KAZN: variants seen among roughly 807,000 people sequenced by gnomAD.
The protein encoded by KAZN is kazrin, periplakin interacting protein, also known as kazrin.
A neutral mutation model predicts 87.4 loss-of-function variants in KAZN; 40 were observed. The observed-to-expected ratio is 0.46, with a 90% confidence interval of 0.36 to 0.60. The LOEUF (loss-of-function observed/expected upper bound fraction) is 0.60. KAZN is among the 20% of genes least tolerant of loss of function. The probability of loss-of-function intolerance (pLI) is 0.00; values close to 1 mark genes in which losing one functional copy is unlikely to be tolerated. For synonymous variants in KAZN, 466 were observed against 458.3 expected, an observed-to-expected ratio of 1.02 and a Z score of -0.22; for missense variants, 898 against 1,073.9, an observed-to-expected ratio of 0.84 and a Z score of 2.29.
At chr1:13,969,415 G>T (rs535282789) in intron 1 of KAZN, among the ~76,000 whole-genome samples, 1 of 152,126 alleles carries the variant, frequency 6.6e-6, no homozygotes, top group Non-Finnish European at 1.5e-5. Context: ...AAATGAAGAT[G>T]GAGGCAGACT....
At chr1:14,290,097 G>A (rs1384530009) in intron 2 of KAZN, among the ~76,000 whole-genome samples, 2 of 152,208 alleles carry the variant, frequency 1.3e-5, no homozygotes, top group East Asian at 3.9e-4. Flanking sequence ...TTTCTCTCTG[G>A]CTGCCCTTAA....
intron 2 of KAZN, among the ~76,000 whole-genome samples, chr1:14,386,326 A>G (rs866015625): frequency 0.048 from 6,995 of 146,566 alleles, 207 homozygotes; most frequent in Non-Finnish European, 0.072. Context: ...TAAAGTTAAT[A>G]TTGTTATGTG....
chr1:15,065,027 C>CTTTCTTT (rs1553183916), intron 7 of KAZN, among the ~76,000 whole-genome samples: 2 of 102,740 alleles, frequency 1.9e-5, no homozygotes, highest in African/African-American at 7.6e-5. Context: ...CTTTTTCTTT[C>CTTTCTTT]TTTTTTTTTT....
At chr1:14,760,170 C>T (rs1435955690) in intron 1 of KAZN, among the ~76,000 whole-genome samples, 1 of 152,088 alleles carries the variant, frequency 6.6e-6, no homozygotes. Context: ...CGCCTGGCTT[C>T]CCTTCCTTCC....
intron 1 of KAZN, among the ~76,000 whole-genome samples, chr1:14,616,903 T>C (rs1414239360): frequency 6.6e-6 from 1 of 152,202 alleles, no homozygotes; most frequent in East Asian, 1.9e-4. Context: ...CGCTATTAAC[T>C]CCAGCCAGCT....
At chr1:14,026,771 A>G in intron 1 of KAZN, among the ~76,000 whole-genome samples, 1 of 152,228 alleles carries the variant, frequency 6.6e-6, no homozygotes, top group East Asian at 1.9e-4. Flanking sequence ...AGTGAATAGC[A>G]CAGCCCTGCT....
At chr1:14,133,815 T>C (rs759638700) in intron 1 of KAZN, among the ~76,000 whole-genome samples, 3 of 152,154 alleles carry the variant, frequency 2.0e-5, no homozygotes, top group Non-Finnish European at 4.4e-5. Context: ...TTGGGGATGC[T>C]GGAGGCTTTT....
intron 1 of KAZN, among the ~76,000 whole-genome samples, chr1:14,748,208 G>GA (rs145216613): frequency 1.2e-4 from 19 of 152,168 alleles, no homozygotes; most frequent in East Asian, 5.8e-4. Context: ...TTTTCTCCCA[G>GA]AAAAAACATC....
At chr1:14,276,727 T>G (rs191865530) in intron 2 of KAZN, among the ~76,000 whole-genome samples, 1 of 152,314 alleles carries the variant, frequency 6.6e-6, no homozygotes, top group East Asian at 1.9e-4. Context: ...TCATCTTAAT[T>G]TGATCACTTG....
chr1:14,605,525 C>A (rs1677292286), intron 1 of KAZN, among the ~76,000 whole-genome samples: 1 of 151,922 alleles, frequency 6.6e-6, no homozygotes, highest in Admixed American at 6.6e-5. Context: ...CTTTTATGCC[C>A]CATGTATTAT....
intron 1 of KAZN, among the ~76,000 whole-genome samples, chr1:14,600,221 C>G (rs141385551): frequency 6.6e-6 from 1 of 152,268 alleles, no homozygotes; most frequent in East Asian, 1.9e-4. Flanking sequence ...ATCTCCAGTC[C>G]ATGAGGTCCA....
At chr1:13,934,229 G>C (rs1229804474) in intron 1 of KAZN, among the ~76,000 whole-genome samples, 2 of 152,228 alleles carry the variant, frequency 1.3e-5, no homozygotes, top group Non-Finnish European at 2.9e-5. Flanking sequence ...AAAGGGTAAA[G>C]TGAGGTTGAG....
At chr1:14,306,942 G>A (rs922266843) in intron 2 of KAZN, among the ~76,000 whole-genome samples, 3 of 152,244 alleles carry the variant, frequency 2.0e-5, no homozygotes, top group East Asian at 1.9e-4. Flanking sequence ...TTTGATCTTC[G>A]TGTCCCCAAT....
At chr1:15,027,373 C>T (rs1243028942) in intron 2 of KAZN, among the ~76,000 whole-genome samples, 1 of 152,164 alleles carries the variant, frequency 6.6e-6, no homozygotes, top group East Asian at 1.9e-4. Flanking sequence ...AGCCACCGCT[C>T]CCGGCCCCAA....
chr1:14,089,340 C>A (rs547998723), intron 1 of KAZN, among the ~76,000 whole-genome samples: 1 of 152,176 alleles, frequency 6.6e-6, no homozygotes, highest in East Asian at 1.9e-4. Flanking sequence ...CTATTCATTT[C>A]AATACATATA....
At chr1:14,645,721 A>AT (rs1557861161) in intron 1 of KAZN, among the ~76,000 whole-genome samples, 1 of 152,158 alleles carries the variant, frequency 6.6e-6, no homozygotes, top group African/African-American at 2.4e-5. Flanking sequence ...CTCTCTTCCT[A>AT]TTTGGATGCC....
intron 1 of KAZN, among the ~76,000 whole-genome samples, chr1:14,924,934 G>A (rs1033889207): frequency 2.0e-5 from 3 of 152,200 alleles, no homozygotes; most frequent in Non-Finnish European, 2.9e-5. Context: ...CCCTGGGACC[G>A]CACCTGTGAG....
intron 2 of KAZN, among the ~76,000 whole-genome samples, chr1:14,528,895 C>T (rs972063093): frequency 6.6e-6 from 1 of 152,112 alleles, no homozygotes; most frequent in African/African-American, 2.4e-5. Context: ...ATGTCCCTCT[C>T]GCAGCCTCAT....
intron 1 of KAZN, among the ~76,000 whole-genome samples, chr1:14,771,456 T>G (rs974621399): frequency 1.3e-5 from 2 of 152,154 alleles, no homozygotes; most frequent in Non-Finnish European, 2.9e-5. Context: ...TTTCTCTGAG[T>G]CTTTGAATAT....
Sources: allele counts gnomAD v4.1 joint callset (sites outside exome capture counted in the v4.1 genomes callset), GRCh38; gene constraint gnomAD v4.1.1; transcripts MANE v1.5; gene names NCBI Gene and HGNC (gene_info 2026-07-23, HGNC 2026-07-21).